The following MYO1E variants were observed in gnomAD, a reference collection of about 807,000 sequenced individuals.
MYO1E encodes unconventional myosin-Ie.
MYO1E carries 68 observed loss-of-function variants against 151.1 expected under a neutral mutation model. The ratio of observed to expected loss-of-function variants is 0.45; its 90% confidence interval spans 0.37 to 0.55. The LOEUF is 0.55. Among genes scored for constraint, MYO1E ranks in the 20% least tolerant of loss-of-function variants. The pLI is 0.00. For missense variants in MYO1E, 1,363 were observed against 1,389.3 expected, an observed-to-expected ratio of 0.98 and a Z score of 0.30; for synonymous variants, 601 against 501.7, an observed-to-expected ratio of 1.20 and a Z score of -2.64.
chr15:59,224,205 G>A (rs1219302119), intron 8 of MYO1E, among the ~76,000 whole-genome samples: 1 of 152,188 alleles, frequency 6.6e-6, no homozygotes, highest in Non-Finnish European at 1.5e-5. Flanking sequence ...CATGCAATGT[G>A]AAGGGCATGG....
intron 1 of MYO1E, among the ~76,000 whole-genome samples, chr15:59,329,049 G>A (rs1272529754): frequency 6.6e-6 from 1 of 152,142 alleles, no homozygotes; most frequent in African/African-American, 2.4e-5. Flanking sequence ...AAGGTACGGA[G>A]GACTCAAAAT....
chr15:59,189,661 G>A (rs1596357993), intron 17 of MYO1E, among the ~76,000 whole-genome samples: 1 of 152,084 alleles, frequency 6.6e-6, no homozygotes, highest in African/African-American at 2.4e-5. Context: ...TGCAAACTCC[G>A]CCTTGTGGGT....
chr15:59,324,679 G>C (rs561190178), intron 1 of MYO1E, among the ~76,000 whole-genome samples: 1 of 141,954 alleles, frequency 7.0e-6, no homozygotes, highest in South Asian at 2.2e-4. Context: ...CCCCCACAGA[G>C]GGCAGCATAC....
At chr15:59,197,427 T>C (rs2079774617) in intron 16 of MYO1E, among the ~76,000 whole-genome samples, 1 of 152,222 alleles carries the variant, frequency 6.6e-6, no homozygotes, top group Admixed American at 6.5e-5. Context: ...TCACTTGCCA[T>C]AGTCCTCTCC....
chr15:59,324,254 A>C (rs2080647767), intron 1 of MYO1E, among the ~76,000 whole-genome samples: 1 of 152,222 alleles, frequency 6.6e-6, no homozygotes, highest in Non-Finnish European at 1.5e-5. Context: ...CAAGCATCCA[A>C]AAGTGCAAGC....
rs3816813 is a variant in MYO1E, at chr15:59,222,905, C to G, written c.910+154G>C. Among the ~76,000 whole-genome samples the G allele has an allele frequency of 0.39, 59,825 of 151,968 alleles. 12,419 individuals are homozygous for G. The highest frequency in any genetic ancestry group is 0.7 in the East Asian group (3,613 of 5,166). On this transcript the variant is annotated intron_variant, in intron 9 of 27. Transcript: ENST00000288235. Reference sequence around the variant, plus strand: ...CAGGTGCATAGAAGAGGTCTGGTCTCTCGTGAAGCCATTCTGTTTGCCACA... The same window carrying G: ...CAGGTGCATAGAAGAGGTCTGGTCTGTCGTGAAGCCATTCTGTTTGCCACA...
intron 1 of MYO1E, among the ~76,000 whole-genome samples, chr15:59,343,198 G>A (rs2080775299): frequency 6.6e-6 from 1 of 152,004 alleles, no homozygotes; most frequent in Non-Finnish European, 1.5e-5. Context: ...TAGGCCTGGG[G>A]TTGATAAATC....
chr15:59,182,905 A>G (rs1444502148), intron 18 of MYO1E, among the ~76,000 whole-genome samples: 1 of 152,204 alleles, frequency 6.6e-6, no homozygotes, highest in Non-Finnish European at 1.5e-5. Context: ...TGGTTTTGGG[A>G]TGAAACTGTT....
chr15:59,198,854 C>A lies in MYO1E; in HGVS notation c.1699-3287G>T, dbSNP rs185919543. ...ACAAAAAAAAAACAAACCAAAAAAA[C>A]CCCCAACCAATCCAATCACCTGCAT... On this transcript the variant is annotated intron_variant, in intron 16 of 27. Coordinates refer to ENST00000288235, the MANE Select transcript of MYO1E (RefSeq NM_004998.4). Among the ~76,000 whole-genome samples, 424 of 151,110 alleles carry A rather than the reference C, an allele frequency of 2.8e-3. 2 individuals carry two copies. The highest frequency in any genetic ancestry group is 9.7e-3 in the African/African-American group (400 of 41,278).
At chr15:59,235,552 A>G (rs1226911583) in intron 5 of MYO1E, among the ~76,000 whole-genome samples, 2 of 152,224 alleles carry the variant, frequency 1.3e-5, no homozygotes, top group African/African-American at 2.4e-5. Context: ...TATATAAAGA[A>G]CCACAAATTA....
intron 23 of MYO1E, among the ~76,000 whole-genome samples, chr15:59,162,605 C>T (rs1596347256): frequency 1.3e-5 from 2 of 148,612 alleles, no homozygotes; most frequent in East Asian, 4.0e-4. Context: ...AAGGTCGCAC[C>T]ACTGTACGCC....
At chr15:59,329,644 T>C (rs1345176631) in intron 1 of MYO1E, among the ~76,000 whole-genome samples, 2 of 152,198 alleles carry the variant, frequency 1.3e-5, no homozygotes, top group Admixed American at 1.3e-4. Flanking sequence ...CATGGTCTCA[T>C]ATGACTCCAT....
intron 4 of MYO1E, among the ~76,000 whole-genome samples, chr15:59,245,943 C>T (rs184892029): frequency 6.6e-6 from 1 of 152,154 alleles, no homozygotes; most frequent in Non-Finnish European, 1.5e-5. Context: ...AGAGATGTCT[C>T]TTGACATCCA....
chr15:59,158,277 G>A lies in MYO1E; in HGVS notation c.2878+10C>T. On this transcript the variant is annotated intron_variant, in intron 25 of 27. Transcript: ENST00000288235. ...TAGTGGTCCCAGACTACGGTACGTAGCTGGCTTACCTGGGGGAGGAGGGGC... is the reference window on the plus strand; with the variant it reads ...TAGTGGTCCCAGACTACGGTACGTAACTGGCTTACCTGGGGGAGGAGGGGC... The A allele has an allele frequency of 6.4e-7, 1 of 1,551,856 alleles. No individual in the cohort carries two copies. The highest frequency in any genetic ancestry group is 1.2e-5 in the South Asian group (1 of 84,964).
Position 59,258,385 on chromosome 15 carries a change from T to C in MYO1E, c.238-2007A>G, listed in dbSNP as rs923719352. 2.0e-5 allele frequency among the ~76,000 whole-genome samples: 3 copies of C among 152,072 alleles called. No individual in the cohort carries two copies. The South Asian group carries it at 6.2e-4, about 32-fold the overall frequency. ...AACAAAAAAATATATATCTAGAAAA[T>C]GGAAGTGAGGTACAGAAACAGCCAG... On this transcript the variant is annotated intron_variant, in intron 3 of 27. Transcript: ENST00000288235.
At chr15:59,155,624 G>C (rs1415472704) in intron 25 of MYO1E, among the ~76,000 whole-genome samples, 3 of 152,166 alleles carry the variant, frequency 2.0e-5, no homozygotes, top group Non-Finnish European at 4.4e-5. Flanking sequence ...AGGTGGACTT[G>C]GCCAGAATTC....
At position 59,195,467 on chromosome 15, in the gene MYO1E, T is replaced by G. The variant is rs1416958654; in HGVS notation, c.1799A>C (p.Glu600Ala). 6.2e-7 allele frequency: 1 copy of G among 1,612,876 alleles called. No homozygotes were observed. Among genetic ancestry groups the G allele is most frequent in the African/African-American group, 1.3e-5 (1 of 74,882 alleles). ...AGCCGGTTTCCCCCGATACCTGCTT[T>G]CCTCCCAGTCTCTGGGCTTCTTGGT... Reference protein sequence around the residue: ...NETKKPRDWEESRVKHQVEYL... With the variant: ...NETKKPRDWEASRVKHQVEYL... Residue 600 changes from glutamate to alanine, a missense_variant, in exon 17 of 28, where the codon GAA becomes GCA. Coordinates refer to ENST00000288235, the MANE Select transcript of MYO1E (RefSeq NM_004998.4).
intron 4 of MYO1E, among the ~76,000 whole-genome samples, chr15:59,237,566 C>T (rs1446764595): frequency 1.3e-5 from 2 of 152,152 alleles, no homozygotes; most frequent in Admixed American, 1.3e-4. Context: ...TTAAAGAACC[C>T]CATATCATAT....
chr15:59,209,448 G>GCA (rs2079862865), intron 13 of MYO1E, among the ~76,000 whole-genome samples: 1 of 75,084 alleles, frequency 1.3e-5, no homozygotes, highest in Non-Finnish European at 2.8e-5. Context: ...GAGGCCGAGG[G>GCA]GGGTGGATCA....
Sources: gnomAD v4.1 joint callset for allele counts (sites outside exome capture counted in the v4.1 genomes callset) on GRCh38, gnomAD v4.1.1 for gene constraint, MANE v1.5 for transcripts, NCBI Gene and HGNC (gene_info 2026-07-23, HGNC 2026-07-21) for gene names.